ITPR2: variants seen among roughly 807,000 people sequenced by gnomAD.
ITPR2 encodes inositol 1,4,5-trisphosphate-gated calcium channel ITPR2.
Under a neutral mutation model 317.1 loss-of-function variants are expected in ITPR2, and 207 were observed. The ratio of observed to expected loss-of-function variants is 0.65; its 90% confidence interval spans 0.58 to 0.73. The LOEUF is 0.73. Among genes scored for constraint, ITPR2 ranks in the 30% least tolerant of loss-of-function variants. The probability of loss-of-function intolerance (pLI) is 0.00; values close to 1 mark genes in which losing one functional copy is unlikely to be tolerated. For synonymous variants in ITPR2, 1,156 were observed against 1,149.1 expected (o/e 1.01, Z -0.12); for missense variants, 2,613 against 3,284.0 (o/e 0.80, Z 4.99).
intron 37 of ITPR2, among the ~76,000 whole-genome samples, chr12:26,526,630 GA>G (rs987942436): frequency 1.3e-5 from 2 of 151,140 alleles, no homozygotes; most frequent in South Asian, 2.1e-4. Flanking sequence ...GTTACTCTAT[GA>G]AAAAAAAAGA....
At chr12:26,349,377 G>A (rs2136555998) in intron 55 of ITPR2, among the ~76,000 whole-genome samples, 1 of 152,286 alleles carries the variant, frequency 6.6e-6, no homozygotes, top group South Asian at 2.1e-4. Context: ...TCTTCCTTGT[G>A]AACTGTTAGA....
rs745966022 is a variant in ITPR2 at position 26,486,253 on chromosome 12, C to T, written c.5662G>A (p.Glu1888Lys). The T allele has an allele frequency of 6.2e-7, 1 of 1,614,124 alleles. No homozygotes were observed. Among genetic ancestry groups the T allele is most frequent in the Non-Finnish European group, 8.5e-7 (1 of 1,180,018 alleles). The part of the protein sequence containing the change: ...YCVYRREMDP[E>K]IDIMCTGPEA... Reference sequence around the variant, plus strand: ...GGTCCTGTGCACATAATGTCTATTTCTGGATCCATTTCTCTTCTGTATACA... The same window carrying T: ...GGTCCTGTGCACATAATGTCTATTTTTGGATCCATTTCTCTTCTGTATACA... The change falls in exon 41 of 57, where the codon GAA becomes AAA. Residue 1888 changes from glutamate to lysine, a missense_variant. Glu to Lys is a moderately conservative substitution (Grantham distance 56, BLOSUM62 1). Around this residue, in one of 9 missense-constraint regions of ITPR2, gnomAD observed 926 missense variants for 1,072.8 expected, o/e 0.86. Coordinates refer to ENST00000381340, the MANE Select transcript of ITPR2 (RefSeq NM_002223.4).
intron 46 of ITPR2, among the ~76,000 whole-genome samples, chr12:26,442,716 G>A (rs1263281443): frequency 6.6e-6 from 1 of 152,150 alleles, no homozygotes; most frequent in Non-Finnish European, 1.5e-5. Flanking sequence ...CAAGGTATCC[G>A]TTTCTGTGAC....
intron 9 of ITPR2, among the ~76,000 whole-genome samples, chr12:26,701,426 T>C (rs374710168): frequency 1.3e-5 from 2 of 152,318 alleles, no homozygotes; most frequent in East Asian, 1.9e-4. Flanking sequence ...TTCCAACGAC[T>C]GGCATTTCAG....
intron 34 of ITPR2, among the ~76,000 whole-genome samples, chr12:26,574,752 G>T (rs146306396): frequency 6.6e-6 from 1 of 152,092 alleles, no homozygotes; most frequent in Admixed American, 6.6e-5. Flanking sequence ...GCTTCCACTC[G>T]TGGTGGAAGG....
intron 38 of ITPR2, 143 bp from the exon 39 acceptor site, chr12:26,494,483 C>A: frequency 1.8e-6 from 1 of 561,012 alleles, no homozygotes; most frequent in Non-Finnish European, 2.7e-6. Flanking sequence ...ATAATAGAAG[C>A]TTGAGGCTGG....
At chr12:26,612,223 G>A (rs11048615) in intron 26 of ITPR2, among the ~76,000 whole-genome samples, 34,707 of 151,930 alleles carry the variant, frequency 0.23, 4,393 homozygotes, top group East Asian at 0.51. Flanking sequence ...TTCCCCTCAC[G>A]CTTTTATGTT....
chr12:26,689,313 A>T lies in ITPR2; in HGVS notation c.997-2681T>A, dbSNP rs1565694589. On this transcript the variant is annotated intron_variant, in intron 10 of 56. Transcript: ENST00000381340. Reference sequence around the variant, plus strand: ...ACGCCTATGGTCTCAGCTACTCAGGAGCCTGTAGTGGGAGGATCACCTGAG... The same window carrying T: ...ACGCCTATGGTCTCAGCTACTCAGGTGCCTGTAGTGGGAGGATCACCTGAG... Among the ~76,000 whole-genome samples the T allele has an allele frequency of 2.0e-5, 3 of 152,134 alleles. No homozygotes were observed. In the South Asian group the frequency reaches 6.2e-4, roughly 32 times the overall value.
intron 55 of ITPR2, among the ~76,000 whole-genome samples, chr12:26,359,264 T>C (rs1938744772): frequency 6.6e-6 from 1 of 152,210 alleles, no homozygotes; most frequent in Non-Finnish European, 1.5e-5. Context: ...GTGAGAAATA[T>C]TCAGGTACAA....
intron 55 of ITPR2, among the ~76,000 whole-genome samples, chr12:26,354,734 T>A (rs1290576308): frequency 1.3e-5 from 2 of 152,016 alleles, no homozygotes; most frequent in African/African-American, 4.8e-5. Context: ...AATGGTGGGG[T>A]CTCAGCTCAC....
At chr12:26,399,255 C>T (rs1441365126) in intron 53 of ITPR2, among the ~76,000 whole-genome samples, 1 of 152,218 alleles carries the variant, frequency 6.6e-6, no homozygotes, top group African/African-American at 2.4e-5. Flanking sequence ...AGGACTGACA[C>T]ATGTCTTTCC....
chr12:26,385,280 A>C (rs1939633847), intron 55 of ITPR2, among the ~76,000 whole-genome samples: 2 of 152,064 alleles, frequency 1.3e-5, no homozygotes, highest in Admixed American at 1.3e-4. Flanking sequence ...CAAAATCAAC[A>C]AGAATTCTTC....
In ITPR2 at chr12:26,475,378, C is replaced by T. The variant is rs374259045; in HGVS notation, c.6260G>A (p.Cys2087Tyr). 2 of 1,613,130 alleles carry T rather than the reference C, an allele frequency of 1.2e-6. No individual in the cohort carries two copies. Among genetic ancestry groups the T allele is most frequent in the African/African-American group, 1.3e-5 (1 of 74,794 alleles). The change falls in exon 45 of 57, where the codon TGT (cysteine) becomes TAT (tyrosine). Residue 2087 changes from cysteine to tyrosine, a missense_variant. Cys to Tyr is a radical substitution (Grantham distance 194). This residue lies in a region of ITPR2 where 926 missense variants were observed against 1,072.8 expected (regional missense o/e 0.86). Transcript: ENST00000381340. ...TCCACCCTCATCATCCCCATGGTCA[C>T]ATTCCAATCCTTGGTTATAGGCATT... ...MKNAYNQGLE[C>Y]DHGDDEGGDD... is the part of the protein sequence containing the mutation.
chr12:26,538,325 C>T (rs190185663), intron 37 of ITPR2, among the ~76,000 whole-genome samples: 1 of 151,612 alleles, frequency 6.6e-6, no homozygotes, highest in Admixed American at 6.6e-5. Flanking sequence ...AAGAATATAT[C>T]CCCCACAAAC....
At chr12:26,382,607 G>A (rs1400422692) in intron 55 of ITPR2, among the ~76,000 whole-genome samples, 1 of 152,104 alleles carries the variant, frequency 6.6e-6, no homozygotes, top group Non-Finnish European at 1.5e-5. Flanking sequence ...AGAGGTTGCA[G>A]TGAGCCAAGA....
chr12:26,625,542 A>C (rs1306817774), intron 23 of ITPR2, among the ~76,000 whole-genome samples: 1 of 152,212 alleles, frequency 6.6e-6, no homozygotes, highest in Non-Finnish European at 1.5e-5. Context: ...TTCCACTAAG[A>C]CATCAATGTA....
intron 26 of ITPR2, among the ~76,000 whole-genome samples, chr12:26,613,645 C>A (rs1018418488): frequency 4.6e-5 from 7 of 152,058 alleles, no homozygotes; most frequent in African/African-American, 1.2e-4. Context: ...TGATCAGAGA[C>A]CCTGGCATAG....
At chr12:26,807,131 G>C (rs1378141966) in intron 1 of ITPR2, among the ~76,000 whole-genome samples, 1 of 151,958 alleles carries the variant, frequency 6.6e-6, no homozygotes, top group African/African-American at 2.4e-5. Flanking sequence ...GGAGGTTGCA[G>C]TGAGCCGAGA....
At chr12:26,716,577 A>G (rs1156272902) in intron 5 of ITPR2, among the ~76,000 whole-genome samples, 1 of 152,186 alleles carries the variant, frequency 6.6e-6, no homozygotes, top group Non-Finnish European at 1.5e-5. Context: ...TAAGCACAAC[A>G]GAAAGAGTAA....
Sources: gnomAD v4.1 joint callset for allele counts (sites outside exome capture counted in the v4.1 genomes callset) on GRCh38, gnomAD v4.1.1 for gene constraint, gnomAD v4.1.1 regional missense constraint, MANE v1.5 for transcripts, NCBI Gene and HGNC (gene_info 2026-07-23, HGNC 2026-07-21) for gene names.